PJA2: variants seen among roughly 807,000 people sequenced by gnomAD.
PJA2 encodes the protein praja ring finger ubiquitin ligase 2, also known as E3 ubiquitin-protein ligase Praja-2.
In PJA2, 25 loss-of-function variants were observed where a neutral mutation model predicts 69.3. The observed-to-expected ratio is 0.36, with a 90% confidence interval of 0.26 to 0.50. PJA2 has a LOEUF of 0.50. PJA2 is among the 20% of genes least tolerant of loss of function. The pLI is 0.96. For synonymous variants in PJA2, 308 were observed against 277.8 expected (o/e 1.11, Z -1.08); for missense variants, 809 against 830.2 (o/e 0.97, Z 0.31).
At chr5:109,366,664 T>A (rs1762589168) in intron 5 of PJA2, among the ~76,000 whole-genome samples, 1 of 126,482 alleles carries the variant, frequency 7.9e-6, no homozygotes, top group African/African-American at 2.5e-5. Context: ...GTAAGCTTCA[T>A]GAAGGAATGT....
At chr5:109,361,244 A>G (rs1181181295) in intron 6 of PJA2, among the ~76,000 whole-genome samples, 1 of 152,252 alleles carries the variant, frequency 6.6e-6, no homozygotes, top group Non-Finnish European at 1.5e-5. Flanking sequence ...AAAATACTAC[A>G]TATCTCAGTA....
chr5:109,401,841 T>G (rs961553232), intron 1 of PJA2, among the ~76,000 whole-genome samples: 1 of 152,162 alleles, frequency 6.6e-6, no homozygotes, highest in Admixed American at 6.5e-5. Flanking sequence ...AATTCAAATT[T>G]AAATAGCTAC....
chr5:109,342,541 C>A (rs1457841246), intron 9 of PJA2, among the ~76,000 whole-genome samples: 2 of 105,960 alleles, frequency 1.9e-5, no homozygotes, highest in Non-Finnish European at 4.0e-5. Flanking sequence ...TCAGCTCCCC[C>A]ACCCGGCCAG....
chr5:109,398,171 G>A (rs2127016558), intron 1 of PJA2, among the ~76,000 whole-genome samples: 1 of 152,330 alleles, frequency 6.6e-6, no homozygotes, highest in East Asian at 1.9e-4. Flanking sequence ...TGGAGAGGAT[G>A]TGGAGAAATA....
rs115204639 is a variant in PJA2, at chr5:109,365,086, T to C, written c.1470-2064A>G. Among the ~76,000 whole-genome samples the C allele has an allele frequency of 7.0e-3, 1,061 of 152,330 alleles. 12 individuals carry two copies. The highest frequency in any genetic ancestry group is 0.024 in the African/African-American group (1,003 of 41,570). On this transcript the variant is annotated intron_variant, in intron 5 of 9. Transcript: ENST00000361189. ...TTGTAGAGAAACCCGGCAAAAGCTA[T>C]AGATTAGGTTTATGCACACTCACTG... is the stretch of plus-strand genomic sequence containing the variant.
In PJA2 at chr5:109,378,639, G is replaced by A. The variant is rs573321973; in HGVS notation, c.848C>T (p.Pro283Leu). ...CCCTGGACCACAGGCTGCATCTTCA[G>A]GTGAATGTTCTGTCTGTCTTTCCTG... The part of the protein sequence containing the change: ...TSQERQTEHS[P>L]EDAACGPGHI... The change falls in exon 4 of 10, where the codon CCT becomes CTT. Residue 283 changes from proline (P) to leucine (L), a missense_variant. Physicochemically the swap from Pro to Leu is moderately conservative, Grantham distance 98. Transcript: ENST00000361189. 138 of 1,614,076 alleles carry A rather than the reference G, an allele frequency of 8.5e-5. 3 individuals carry two copies. The South Asian group carries it at 1.5e-3, about 17-fold the overall frequency.
intron 6 of PJA2, among the ~76,000 whole-genome samples, chr5:109,358,135 G>A (rs1169906543): frequency 6.6e-6 from 1 of 152,158 alleles, no homozygotes; most frequent in Admixed American, 6.5e-5. Flanking sequence ...TGTTCATGAT[G>A]GCCATGATGG....
chr5:109,342,049 TG>T (rs1409404661), intron 9 of PJA2, among the ~76,000 whole-genome samples: 4 of 100,972 alleles, frequency 4.0e-5, no homozygotes, highest in East Asian at 5.4e-4. Context: ...GGGAGGGAGG[TG>T]GGGGGGTCAG....
At chr5:109,356,122 T>C (rs2126995456) in intron 6 of PJA2, 96 bp from the exon 7 acceptor site, 1 of 790,252 alleles carries the variant, frequency 1.3e-6, no homozygotes, top group Non-Finnish European at 2.1e-6. Context: ...GACAAGCCGA[T>C]AAACATGCTG....
Position 109,379,133 on chromosome 5 carries a change from G to A in PJA2, c.354C>T (p.Ser118=), listed in dbSNP as rs373783199. The change falls in exon 4 of 10, where the codon TCC becomes TCT. Residue 118 remains serine (S), a synonymous_variant. Coordinates refer to ENST00000361189, the MANE Select transcript of PJA2 (RefSeq NM_014819.5). Reference sequence around the variant, plus strand: ...CCTCACTGTGATGTACTGCAACAAAGGATTGACTGCTCTCAGTGGTTTGAT... The same window carrying A: ...CCTCACTGTGATGTACTGCAACAAAAGATTGACTGCTCTCAGTGGTTTGAT... ...ALNQTTESSQ[S]FVAVHHSEEG... is the part of the protein sequence containing the mutation. 2.5e-6 allele frequency: 4 copies of A among 1,613,952 alleles called. No homozygotes were observed. Among genetic ancestry groups the A allele is most frequent in the Non-Finnish European group, 3.4e-6 (4 of 1,180,022 alleles).
At chr5:109,353,629 T>C (rs999296627) in intron 7 of PJA2, among the ~76,000 whole-genome samples, 3 of 94,342 alleles carry the variant, frequency 3.2e-5, no homozygotes, top group Admixed American at 3.1e-4. Flanking sequence ...ATTAGATACC[T>C]ATATCATAGA....
At chr5:109,360,526 C>T (rs1340539346) in intron 6 of PJA2, among the ~76,000 whole-genome samples, 3 of 152,120 alleles carry the variant, frequency 2.0e-5, no homozygotes, top group African/African-American at 7.2e-5. Flanking sequence ...CATAGCTTTC[C>T]CCATAGCATG....
Position 109,344,797 on chromosome 5 carries a change from G to C in PJA2, c.1787C>G (p.Ser596Cys). 1 of 1,613,644 alleles carries C rather than the reference G, an allele frequency of 6.2e-7. No individual in the cohort carries two copies. The highest frequency in any genetic ancestry group is 8.5e-7 in the Non-Finnish European group (1 of 1,179,684). Residue 596 changes from serine (S) to cysteine (C), a missense_variant, in exon 8 of 10, where the codon TCT becomes TGT. By Grantham distance (112) the Ser-to-Cys change is moderately radical (BLOSUM62 -1). Around this residue, in one of 4 missense-constraint regions of PJA2, gnomAD observed 55 missense variants for 90.7 expected, o/e 0.61. Coordinates refer to ENST00000361189, the MANE Select transcript of PJA2 (RefSeq NM_014819.5). ...AMETALAHLE[S>C]LAVDVEVANP... ...GGCCACCTCAACATCCACTGCAAGA[G>C]ACTCTAAATGGGCCAGAGCAGTCTG...
At chr5:109,406,533 GGAT>G (rs1747696661) in intron 1 of PJA2, among the ~76,000 whole-genome samples, 2 of 152,180 alleles carry the variant, frequency 1.3e-5, no homozygotes. Context: ...CAAGTGCTGA[GGAT>G]GATGTGGAGC....
At chr5:109,369,831 G>A (rs187450316) in intron 4 of PJA2, among the ~76,000 whole-genome samples, 305 of 152,180 alleles carry the variant, frequency 2.0e-3, no homozygotes, top group Non-Finnish European at 3.2e-3. Flanking sequence ...TCGGGAGTTC[G>A]AGAGCAGCCT....
chr5:109,354,626 T>A (rs1762379416), intron 7 of PJA2, among the ~76,000 whole-genome samples: 1 of 144,650 alleles, frequency 6.9e-6, no homozygotes, highest in African/African-American at 2.5e-5. Context: ...CTATCGATAT[T>A]AGATATATTA....
rs1761950179 is a variant in PJA2 at position 109,336,653 on chromosome 5, TA to T, written c.*577del. 6.6e-6 allele frequency: 1 copy of T among 152,236 alleles called. No individual in the cohort carries two copies. The highest frequency in any genetic ancestry group is 1.5e-5 in the Non-Finnish European group (1 of 68,054). The allele number at this position is 152,236 out of a possible 1,614,324, so 9.4% of individuals were successfully genotyped here. Reference sequence around the variant, plus strand: ...TTACGTCTACGATTTAAAACTTTTGTAATGTTCTGGCCAAAATTTTAGCCTT... The same window carrying T: ...TTACGTCTACGATTTAAAACTTTTGTATGTTCTGGCCAAAATTTTAGCCTT... On this transcript the variant is annotated 3_prime_UTR_variant, in exon 10 of 10. Transcript: ENST00000361189.
At chr5:109,337,400 C>T (rs1233216598) in intron 9 of PJA2, 44 bp from the exon 10 acceptor site, 18 of 1,534,458 alleles carry the variant, frequency 1.2e-5, no homozygotes, top group Middle Eastern at 1.7e-4. Context: ...ATCATCTTAA[C>T]TGCCACACAA....
chr5:109,381,265 A>T (rs1310177726), intron 3 of PJA2, among the ~76,000 whole-genome samples: 5 of 152,194 alleles, frequency 3.3e-5, no homozygotes, highest in African/African-American at 1.2e-4. Flanking sequence ...CAACGTAATC[A>T]CTACTATGAG....
Sources: allele counts gnomAD v4.1 joint callset (sites outside exome capture counted in the v4.1 genomes callset), GRCh38; gene constraint gnomAD v4.1.1; regional missense constraint gnomAD v4.1.1; transcripts MANE v1.5; gene names NCBI Gene and HGNC (gene_info 2026-07-23, HGNC 2026-07-21).